Variants in OTOG observed in about 807,000 individuals in gnomAD.
OTOG encodes the protein otogelin.
OTOG carries 296 observed loss-of-function variants against 313.8 expected under a neutral mutation model. The ratio of observed to expected loss-of-function variants is 0.94; its 90% CI spans 0.86 to 1.04. The LOEUF is 1.04. OTOG is among the 50% of genes least tolerant of loss of function. The pLI is 0.00. For synonymous variants in OTOG, 1,533 were observed against 1,554.9 expected, an observed-to-expected ratio of 0.99 and a Z score of 0.33; for missense variants, 3,948 against 3,840.1, an observed-to-expected ratio of 1.03 and a Z score of -0.74.
intron 36 of OTOG, 69 bp from the exon 37 acceptor site, chr11:17,612,093 C>A: frequency 6.6e-7 from 1 of 1,517,740 alleles, no homozygotes; most frequent in Non-Finnish European, 8.9e-7. Context: ...GGATCTGGTG[C>A]CATCACAGCT....
At chr11:17,597,429 C>T (rs1326687117) in intron 30 of OTOG, among the ~76,000 whole-genome samples, 3 of 152,166 alleles carry the variant, frequency 2.0e-5, no homozygotes, top group African/African-American at 7.2e-5. Context: ...AATAGACCTG[C>T]CCCCAAGGTT....
At chr11:17,595,814 A>C (rs562878561) in intron 28 of OTOG, among the ~76,000 whole-genome samples, 40 of 152,296 alleles carry the variant, frequency 2.6e-4, no homozygotes, top group African/African-American at 9.4e-4. Flanking sequence ...GTTGGGAATC[A>C]TGTGATCACA....
intron 3 of OTOG, among the ~76,000 whole-genome samples, chr11:17,548,826 T>C (rs1036640205): frequency 2.6e-5 from 4 of 152,156 alleles, no homozygotes; most frequent in South Asian, 4.1e-4. Context: ...CAAGTGATCC[T>C]GGTGCCTCCG....
At chr11:17,569,376 C>T in intron 16 of OTOG, 88 bp downstream of exon 16, 5 of 1,509,434 alleles carry the variant, frequency 3.3e-6, no homozygotes, top group Non-Finnish European at 4.5e-6. Context: ...AGCACTGCTA[C>T]CCTGGCAAAA....
chr11:17,608,354 C>T lies in OTOG; in HGVS notation c.4215C>T (p.Ala1405=), dbSNP rs1484055193. The part of the protein sequence containing the change: ...PICEWRYDAC[A]SPCFQTCRDP... Reference sequence around the variant, plus strand: ...GCGAGTGGCGCTACGATGCCTGTGCCAGCCCCTGCTTCCAAACCTGCCGGG... The same window carrying T: ...GCGAGTGGCGCTACGATGCCTGTGCTAGCCCCTGCTTCCAAACCTGCCGGG... The change falls in exon 34 of 56, where the codon GCC becomes GCT. Residue 1405 remains alanine, a synonymous_variant. Transcript: ENST00000399397. 2 of 1,547,760 alleles carry T rather than the reference C, an allele frequency of 1.3e-6. No homozygotes were observed. Among genetic ancestry groups the T allele is most frequent in the East Asian group, 2.5e-5 (1 of 40,756 alleles).
rs1236338890 is a variant in OTOG, at chr11:17,613,632, G to A, written c.6459G>A (p.Pro2153=). 7.1e-6 allele frequency: 11 copies of A among 1,550,694 alleles called. No individual in the cohort carries two copies. Among genetic ancestry groups the A allele is most frequent in the African/African-American group, 2.7e-5 (2 of 73,122 alleles). ...SANLGHLNWP[P]FCLVMLNMTH... ...TGCAGGGGCACCTGAACTGGCCCCCGTTCTGTCTGGTGATGTTGAACATGA... is the reference window on the plus strand; with the variant it reads ...TGCAGGGGCACCTGAACTGGCCCCCATTCTGTCTGGTGATGTTGAACATGA... The change falls in exon 39 of 56, where the codon CCG becomes CCA. Residue 2153 remains proline (P), a synonymous_variant. Transcript: ENST00000399397.
In OTOG at chr11:17,642,263, C is replaced by T. The variant is rs1847993079; in HGVS notation, c.8415+17C>T. On this transcript the variant is annotated intron_variant, in intron 53 of 55. Coordinates refer to ENST00000399397, the MANE Select transcript of OTOG (RefSeq NM_001292063.2). The stretch of plus-strand genomic sequence containing the variant: ...TGTGCCAAGGTCAGTGCCTCCTTCT[C>T]CACTGAGGCTGTAGGCCAGGGGCAT... 1 of 1,543,204 alleles carries T rather than the reference C, an allele frequency of 6.5e-7. No individual in the cohort carries two copies. The highest frequency in any genetic ancestry group is 1.4e-5 in the African/African-American group (1 of 72,940).
intron 33 of OTOG, among the ~76,000 whole-genome samples, chr11:17,606,458 G>A (rs1030732666): frequency 1.3e-5 from 2 of 152,252 alleles, no homozygotes; most frequent in Non-Finnish European, 2.9e-5. Flanking sequence ...AACATGCGTA[G>A]CCGCTGGCTC....
At chr11:17,603,553 C>T (rs1008499025) in intron 32 of OTOG, among the ~76,000 whole-genome samples, 4 of 152,252 alleles carry the variant, frequency 2.6e-5, no homozygotes, top group East Asian at 1.9e-4. Context: ...GTCCAGGCTC[C>T]GTCTCAGAGT....
In OTOG at chr11:17,633,867, C is replaced by T; in HGVS notation, c.7260C>T (p.Ala2420=). Residue 2420 remains alanine (A), a synonymous_variant, in exon 43 of 56, where the codon GCC becomes GCT. Transcript: ENST00000399397. ...ACTCTGCACTCTGCATCCCGGAGGC[C>T]AAGTGCGGTAGGTTCCTCCCCTCCC... ...RRHSALCIPE[A]KCACTDSMGV... is the part of the protein sequence containing the mutation. 6.5e-7 allele frequency: 1 copy of T among 1,536,348 alleles called. No homozygotes were observed. Among genetic ancestry groups the T allele is most frequent in the East Asian group, 2.5e-5 (1 of 40,754 alleles).
chr11:17,588,494 A>T (rs1332263149), intron 24 of OTOG, among the ~76,000 whole-genome samples: 1 of 152,064 alleles, frequency 6.6e-6, no homozygotes, highest in Non-Finnish European at 1.5e-5. Context: ...TTTATGGCTG[A>T]GTTGTAGGTC....
chr11:17,559,431 C>A, intron 11 of OTOG, 103 bp from the exon 12 acceptor site: 1 of 1,446,708 alleles, frequency 6.9e-7, no homozygotes, highest in Non-Finnish European at 9.3e-7. Context: ...TCATGAAAAT[C>A]AAAGCCCTCC....
At chr11:17,547,875 G>T in intron 1 of OTOG, 52 bp from the exon 2 acceptor site, 1 of 443,966 alleles carries the variant, frequency 2.3e-6, no homozygotes, top group South Asian at 6.6e-5. Context: ...GGTGGTGGGA[G>T]GCCCCAGTAA....
At chr11:17,611,509 G>A (rs771241072) in intron 36 of OTOG, 86 bp downstream of exon 36, 297 of 1,305,038 alleles carry the variant, frequency 2.3e-4, no homozygotes, top group Non-Finnish European at 2.8e-4. Context: ...AGTTTTAGTC[G>A]CTATCCTCAT....
Position 17,560,729 on chromosome 11 carries a change from G to T in OTOG, c.1363G>T (p.Gly455Cys). Reference sequence around the variant, plus strand: ...TCTAGGGCTCATCTTCGAGGATGGGGGCTGCGTGGCACCAGCTGAGTGTCC... The same window carrying T: ...TCTAGGGCTCATCTTCGAGGATGGGTGCTGCGTGGCACCAGCTGAGTGTCC... ...CPNGLIFEDG[G>C]CVAPAECPCE... is the part of the protein sequence containing the mutation. Residue 455 changes from glycine (G) to cysteine (C), a missense_variant, in exon 13 of 56, where the codon GGC becomes TGC. Physicochemically the swap from Gly to Cys is radical, Grantham distance 159. Coordinates refer to ENST00000399397, the MANE Select transcript of OTOG (RefSeq NM_001292063.2). 6.4e-7 allele frequency: 1 copy of T among 1,550,604 alleles called. No homozygotes were observed. The highest frequency in any genetic ancestry group is 8.7e-7 in the Non-Finnish European group (1 of 1,146,972).
Position 17,574,339 on chromosome 11 carries a change from C to T in OTOG, c.2294-381C>T, listed in dbSNP as rs1236925803. Among the ~76,000 whole-genome samples, 3 of 152,202 alleles carry T rather than the reference C, an allele frequency of 2.0e-5. No individual in the cohort carries two copies. The East Asian group carries it at 5.8e-4, about 29-fold the overall frequency. Reference sequence around the variant, plus strand: ...GAGTGTGTGTGTGTGTGTGTCCACACACTTGGGCTCATGCATGTGTCTATG... The same window carrying T: ...GAGTGTGTGTGTGTGTGTGTCCACATACTTGGGCTCATGCATGTGTCTATG... On this transcript the variant is annotated intron_variant, in intron 19 of 55. Coordinates refer to ENST00000399397, the MANE Select transcript of OTOG (RefSeq NM_001292063.2).
intron 50 of OTOG, 36 bp downstream of exon 50, chr11:17,640,856 G>A: frequency 1.3e-6 from 2 of 1,549,826 alleles, no homozygotes; most frequent in Non-Finnish European, 1.7e-6. Context: ...AGCCATGCAG[G>A]AGGGGCATGG....
chr11:17,570,887 A>AC (rs1852390125), intron 17 of OTOG, among the ~76,000 whole-genome samples: 1 of 152,090 alleles, frequency 6.6e-6, no homozygotes, highest in Admixed American at 6.5e-5. Flanking sequence ...GGCCAGTCTA[A>AC]CCCTTGTGCC....
At position 17,610,075 on chromosome 11, in the gene OTOG, CTG is replaced by C; in HGVS notation, c.4778_4779del (p.Val1593AspfsTer7). ...GGTGCCATGGAGACAACAAGGGTGA[CTG>C]TGATCTTTGCAGGAAGCCCTAACAT... is the stretch of plus-strand genomic sequence containing the variant. On this transcript the variant is annotated frameshift_variant, in exon 36 of 56. Coordinates refer to ENST00000399397, the MANE Select transcript of OTOG (RefSeq NM_001292063.2). LOFTEE classifies it high-confidence loss of function. 6.4e-7 allele frequency: 1 copy of C among 1,550,580 alleles called. No individual in the cohort carries two copies. Among genetic ancestry groups the C allele is most frequent in the Non-Finnish European group, 8.7e-7 (1 of 1,146,938 alleles).
Sources: gnomAD v4.1 joint callset for allele counts (sites outside exome capture counted in the v4.1 genomes callset) on GRCh38, gnomAD v4.1.1 for gene constraint, MANE v1.5 for transcripts, NCBI Gene and HGNC (gene_info 2026-07-23, HGNC 2026-07-21) for gene names.